ATP6V0D1: variants seen among roughly 807,000 people sequenced by gnomAD.
ATP6V0D1 encodes V-type proton ATPase subunit d 1.
Under a neutral mutation model 39.0 loss-of-function variants are expected in ATP6V0D1, and 13 were observed. The ratio of observed to expected loss-of-function variants is 0.33; its 90% CI spans 0.22 to 0.53. The LOEUF is 0.53. Among genes scored for constraint, ATP6V0D1 ranks in the 20% least tolerant of loss-of-function variants. ATP6V0D1 has a pLI of 0.94. For missense variants in ATP6V0D1, 272 were observed against 470.9 expected (o/e 0.58, Z 3.91); for synonymous variants, 191 against 191.2 (o/e 1.00, Z 0.01).
At chr16:67,469,354 A>T (rs2041354852) in intron 1 of ATP6V0D1, among the ~76,000 whole-genome samples, 2 of 152,216 alleles carry the variant, frequency 1.3e-5, no homozygotes, top group Admixed American at 1.3e-4. Context: ...GCTAAAGTAT[A>T]TGCCAGTGCA....
chr16:67,439,019 A>G lies in ATP6V0D1; in HGVS notation c.768T>C (p.Ala256=), dbSNP rs1003657111. The change falls in exon 6 of 8, where the codon GCT becomes GCC. Residue 256 remains alanine (A), a synonymous_variant. Transcript: ENST00000290949. The part of the protein sequence containing the change: ...RLYPEGLAQL[A]RADDYEQVKN... Reference sequence around the variant, plus strand: ...TGACCTGTTCATAGTCGTCAGCCCGAGCCAGCTGCGCCAGGCCCTCAGGGT... The same window carrying G: ...TGACCTGTTCATAGTCGTCAGCCCGGGCCAGCTGCGCCAGGCCCTCAGGGT... 6.2e-7 allele frequency: 1 copy of G among 1,614,002 alleles called. No homozygotes were observed. Among genetic ancestry groups the G allele is most frequent in the Non-Finnish European group, 8.5e-7 (1 of 1,180,020 alleles).
intron 1 of ATP6V0D1, among the ~76,000 whole-genome samples, chr16:67,461,621 G>A (rs2041289859): frequency 6.6e-6 from 1 of 152,234 alleles, no homozygotes; most frequent in Admixed American, 6.5e-5. Flanking sequence ...GGCTAAGGCA[G>A]AGCTCCTGCA....
intron 2 of ATP6V0D1, chr16:67,452,513 GA>G: frequency 1.1e-6 from 1 of 926,396 alleles, no homozygotes; most frequent in Non-Finnish European, 1.7e-6. Flanking sequence ...AGGTCCCAAG[GA>G]AAAGAGTGGG....
chr16:67,480,887 C>T (rs2041467763), intron 1 of ATP6V0D1, 70 bp downstream of exon 1: 2 of 1,570,986 alleles, frequency 1.3e-6, no homozygotes, highest in Non-Finnish European at 1.7e-6. Flanking sequence ...CTTCCGGCTT[C>T]CCGGCCTACA....
At chr16:67,474,931 C>G (rs969099282) in intron 1 of ATP6V0D1, among the ~76,000 whole-genome samples, 2 of 152,168 alleles carry the variant, frequency 1.3e-5, no homozygotes, top group Non-Finnish European at 2.9e-5. Context: ...TATTCTTCCC[C>G]CAGCCTTCTT....
chr16:67,462,389 A>T (rs1597579821), intron 1 of ATP6V0D1, among the ~76,000 whole-genome samples: 1 of 152,234 alleles, frequency 6.6e-6, no homozygotes, highest in Non-Finnish European at 1.5e-5. Context: ...GTTGGGGTGG[A>T]TCTGGAACTG....
intron 1 of ATP6V0D1, chr16:67,457,655 G>C: frequency 7.8e-7 from 1 of 1,289,256 alleles, no homozygotes; most frequent in Non-Finnish European, 1.0e-6. Context: ...TCCATTCCTA[G>C]AGAAGCCAGG....
rs540703831 is a variant in ATP6V0D1 at position 67,447,993 on chromosome 16, G to A, written c.303-3287C>T. Among the ~76,000 whole-genome samples, 1 of 152,276 alleles carries A rather than the reference G, an allele frequency of 6.6e-6. No individual in the cohort carries two copies. Among genetic ancestry groups the A allele is most frequent in the South Asian group, 2.1e-4 (1 of 4,824 alleles). On this transcript the variant is annotated intron_variant, in intron 2 of 7. Transcript: ENST00000290949. The surrounding 1 kb of genome is among the most constrained non-coding windows in gnomAD (Gnocchi z 4.1). The stretch of plus-strand genomic sequence containing the variant: ...GTGGAAAGTGAACAGAAATATCACT[G>A]TTTCTGAGCTCTGTCCATGGCCTCA...
intron 1 of ATP6V0D1, among the ~76,000 whole-genome samples, chr16:67,475,978 C>T (rs1258205393): frequency 6.6e-6 from 1 of 152,094 alleles, no homozygotes; most frequent in Non-Finnish European, 1.5e-5. Context: ...ACCTGTAATC[C>T]CAGCACTTTG....
intron 2 of ATP6V0D1, chr16:67,445,949 A>G (rs1387673995): frequency 1.8e-5 from 8 of 455,878 alleles, no homozygotes; most frequent in South Asian, 1.2e-4. Flanking sequence ...AATTCCTCCA[A>G]GGTCAAGGTG....
chr16:67,463,238 A>G (rs191496290), intron 1 of ATP6V0D1, among the ~76,000 whole-genome samples: 1 of 152,268 alleles, frequency 6.6e-6, no homozygotes, highest in African/African-American at 2.4e-5. Context: ...GGCTCATAAA[A>G]ACTGGACAGA....
chr16:67,452,353 A>C, intron 2 of ATP6V0D1: 1 of 1,535,496 alleles, frequency 6.5e-7, no homozygotes, highest in Non-Finnish European at 8.7e-7. Flanking sequence ...CCAGCCTCTG[A>C]CTCCTGCCTG....
At chr16:67,466,377 A>AC (rs2041331091) in intron 1 of ATP6V0D1, among the ~76,000 whole-genome samples, 7 of 146,050 alleles carry the variant, frequency 4.8e-5, no homozygotes, top group African/African-American at 1.5e-4. Context: ...ACACACACAC[A>AC]AAATTAGCCA....
chr16:67,480,339 T>A (rs1375219790), intron 1 of ATP6V0D1, among the ~76,000 whole-genome samples: 1 of 151,938 alleles, frequency 6.6e-6, no homozygotes, highest in Non-Finnish European at 1.5e-5. Flanking sequence ...GGGGTGGGAT[T>A]AATTGGCCAA....
intron 2 of ATP6V0D1, chr16:67,452,219 T>G: frequency 6.5e-7 from 1 of 1,534,018 alleles, no homozygotes; most frequent in Non-Finnish European, 8.7e-7. Context: ...CCTGCCCCAG[T>G]AGGTCCATGT....
intron 1 of ATP6V0D1, among the ~76,000 whole-genome samples, chr16:67,478,299 G>C (rs1296646361): frequency 6.6e-6 from 1 of 152,184 alleles, no homozygotes; most frequent in Non-Finnish European, 1.5e-5. Flanking sequence ...TGGCTTGCAT[G>C]AGGGATATGA....
In ATP6V0D1 at chr16:67,438,485, A is replaced by G; in HGVS notation, c.*43T>C. The G allele has an allele frequency of 1.9e-6, 3 of 1,608,440 alleles. No homozygotes were observed. Among genetic ancestry groups the G allele is most frequent in the Middle Eastern group, 1.7e-4 (1 of 6,036 alleles). ...CGCACACACACGCGCACACACACAC[A>G]CACACACACAAAGAGTGCAATTGAG... On this transcript the variant is annotated 3_prime_UTR_variant, in exon 8 of 8. Coordinates refer to ENST00000290949, the MANE Select transcript of ATP6V0D1 (RefSeq NM_004691.5).
chr16:67,438,319 G>A lies in ATP6V0D1; in HGVS notation c.*209C>T, dbSNP rs547618096. 1.1e-5 allele frequency: 5 copies of A among 475,870 alleles called. No homozygotes were observed. Among genetic ancestry groups the A allele is most frequent in the Admixed American group, 3.7e-5 (1 of 27,032 alleles). The allele number at this position is 475,870 out of a possible 1,614,324, so 29.5% of individuals were successfully genotyped here. ...GAGGGGGTCTTCGTCCATCCTTGGTGGGGGGGGGTGCCCAGCCCCTTTTCA... is the reference window on the plus strand; with the variant it reads ...GAGGGGGTCTTCGTCCATCCTTGGTAGGGGGGGGTGCCCAGCCCCTTTTCA... On this transcript the variant is annotated 3_prime_UTR_variant, in exon 8 of 8. Transcript: ENST00000290949.
At chr16:67,443,054 C>T in intron 4 of ATP6V0D1, 45 bp downstream of exon 4, 8 of 1,600,162 alleles carry the variant, frequency 5.0e-6, no homozygotes, top group Non-Finnish European at 6.8e-6. Flanking sequence ...CCCACAGCCC[C>T]ACCCACCGAC....
Sources: gnomAD v4.1 joint callset for allele counts (sites outside exome capture counted in the v4.1 genomes callset) on GRCh38, gnomAD v4.1.1 for gene constraint, Gnocchi (gnomAD v3.1) non-coding constraint, MANE v1.5 for transcripts, NCBI Gene and HGNC (gene_info 2026-07-23, HGNC 2026-07-21) for gene names.